Variants in PIK3R4 observed in about 807,000 individuals in gnomAD.
The protein encoded by PIK3R4 is phosphoinositide-3-kinase regulatory subunit 4, also known as phosphoinositide 3-kinase regulatory subunit 4.
A neutral mutation model predicts 136.5 loss-of-function variants in PIK3R4; 46 were observed. The ratio of observed to expected loss-of-function variants is 0.34; its 90% CI spans 0.27 to 0.43. The LOEUF is 0.43. PIK3R4 is among the 20% of genes least tolerant of loss of function. The probability of loss-of-function intolerance (pLI) is 1.00; values close to 1 mark genes in which losing one functional copy is unlikely to be tolerated. For missense variants in PIK3R4, 1,331 were observed against 1,649.5 expected (o/e 0.81, Z 3.35); for synonymous variants, 557 against 566.7 (o/e 0.98, Z 0.24).
At chr3:130,699,466 T>A (rs568118718) in intron 13 of PIK3R4, among the ~76,000 whole-genome samples, 44 of 152,174 alleles carry the variant, frequency 2.9e-4, no homozygotes, top group Non-Finnish European at 3.8e-4. Context: ...CTACCATAGT[T>A]GTGAGGCTGT....
chr3:130,701,025 A>T (rs2066571115), intron 13 of PIK3R4, among the ~76,000 whole-genome samples: 1 of 152,192 alleles, frequency 6.6e-6, no homozygotes, highest in Non-Finnish European at 1.5e-5. Context: ...GAAATGTGAT[A>T]CCAAAATACC....
At chr3:130,717,430 T>G (rs1481322685) in intron 8 of PIK3R4, among the ~76,000 whole-genome samples, 2 of 152,060 alleles carry the variant, frequency 1.3e-5, no homozygotes, top group African/African-American at 4.8e-5. Flanking sequence ...GGAGTAGATA[T>G]CTCTAGATTT....
intron 2 of PIK3R4, among the ~76,000 whole-genome samples, chr3:130,736,964 T>C: frequency 6.6e-6 from 1 of 152,220 alleles, no homozygotes; most frequent in East Asian, 1.9e-4. Context: ...ACCAGAAATT[T>C]TGTAAGTATC....
At chr3:130,695,525 T>C (rs1406796911) in intron 13 of PIK3R4, among the ~76,000 whole-genome samples, 1 of 152,144 alleles carries the variant, frequency 6.6e-6, no homozygotes, top group Non-Finnish European at 1.5e-5. Context: ...AGGACTTTAA[T>C]CATTCCTTTA....
Position 130,744,778 on chromosome 3 carries a change from C to A in PIK3R4, c.441G>T (p.Gly147=). ...CCATCACATTCTCAGTCTTGATGTC[C>A]CCATGACGAACTCCAGATTTGTGTG... ...DQAHKSGVRH[G]DIKTENVMVT... The change falls in exon 2 of 20, where the codon GGG becomes GGT. Residue 147 remains glycine, a synonymous_variant. Transcript: ENST00000356763. 6.2e-7 allele frequency: 1 copy of A among 1,614,226 alleles called. No individual in the cohort carries two copies. The highest frequency in any genetic ancestry group is 8.5e-7 in the Non-Finnish European group (1 of 1,180,032).
chr3:130,707,201 G>T, intron 10 of PIK3R4, 66 bp from the exon 11 acceptor site: 1 of 1,120,630 alleles, frequency 8.9e-7, no homozygotes, highest in Non-Finnish European at 1.3e-6. Flanking sequence ...TGCTTTTATT[G>T]CCTTTGGAGG....
intron 2 of PIK3R4, among the ~76,000 whole-genome samples, chr3:130,742,577 T>C (rs759202754): frequency 2.6e-5 from 4 of 152,186 alleles, no homozygotes; most frequent in Non-Finnish European, 4.4e-5. Context: ...TATCAAAACA[T>C]CTCTCAGTAT....
chr3:130,715,522 C>CT (rs941266265), intron 9 of PIK3R4, among the ~76,000 whole-genome samples: 4 of 152,042 alleles, frequency 2.6e-5, no homozygotes, highest in African/African-American at 9.7e-5. Context: ...TGATGTTAAG[C>CT]TTTTTTTCAT....
chr3:130,679,416 C>T lies in PIK3R4; in HGVS notation c.3976G>A (p.Val1326Met), dbSNP rs1310046445. 1.2e-5 allele frequency: 20 copies of T among 1,612,312 alleles called. No individual in the cohort carries two copies. The highest frequency in any genetic ancestry group is 2.2e-5 in the South Asian group (2 of 91,034). The change falls in exon 20 of 20, where the codon GTG becomes ATG. Residue 1326 changes from valine (V) to methionine (M), a missense_variant. By Grantham distance (21) the Val-to-Met change is conservative. This residue lies in a region of PIK3R4 where 1,180 missense variants were observed against 1,407.0 expected (regional missense o/e 0.84). Coordinates refer to ENST00000356763, the MANE Select transcript of PIK3R4 (RefSeq NM_014602.3). ...TPRRGPESLP[V>M]GHHDIITDVA... ...TCAGTGATGATGTCATGATGTCCCA[C>T]GGGCAGGGACTCTGGGCCCCTTCGA...
At position 130,733,752 on chromosome 3, in the gene PIK3R4, C is replaced by T; in HGVS notation, c.1246G>A (p.Asp416Asn). ...APRLSVEILL[D>N]RITPYLLHFS... ...TGCAAAAGATATGGAGTAATACGAT[C>T]CAAAAGGATTTCAACACTTAATCTT... Residue 416 changes from aspartate to asparagine, a missense_variant, in exon 4 of 20, where the codon GAT becomes AAT. Physicochemically the swap from Asp to Asn is conservative, Grantham distance 23. This residue lies in a region of PIK3R4 where 1,180 missense variants were observed against 1,407.0 expected (regional missense o/e 0.84). Transcript: ENST00000356763. The T allele has an allele frequency of 6.2e-7, 1 of 1,614,126 alleles. No homozygotes were observed. Among genetic ancestry groups the T allele is most frequent in the Non-Finnish European group, 8.5e-7 (1 of 1,180,000 alleles).
At chr3:130,704,067 T>C (rs1290711007) in intron 12 of PIK3R4, among the ~76,000 whole-genome samples, 179 bp from the exon 13 acceptor site, 1 of 152,196 alleles carries the variant, frequency 6.6e-6, no homozygotes, top group Non-Finnish European at 1.5e-5. Context: ...TATTATTTAC[T>C]GAGACATCAA....
intron 4 of PIK3R4, among the ~76,000 whole-genome samples, chr3:130,730,706 CAAAAA>C (rs767601811): frequency 8.1e-6 from 1 of 123,540 alleles, no homozygotes. Flanking sequence ...TACTGAGGAC[CAAAAA>C]AAAAAAAAAG....
At chr3:130,738,810 A>G (rs1053624060) in intron 2 of PIK3R4, among the ~76,000 whole-genome samples, 7 of 152,230 alleles carry the variant, frequency 4.6e-5, no homozygotes, top group Non-Finnish European at 1.5e-5. Context: ...AAGGTAATAA[A>G]TATATACAAC....
Position 130,728,623 on chromosome 3 carries a change from T to TTCAGGG in PIK3R4, c.1641_1646dup (p.Asp547_Pro548dup), listed in dbSNP as rs1478137225. The TTCAGGG allele has an allele frequency of 6.2e-7, 1 of 1,612,092 alleles. No individual in the cohort carries two copies. Among genetic ancestry groups the TTCAGGG allele is most frequent in the Non-Finnish European group, 8.5e-7 (1 of 1,179,302 alleles). ...CCATCAAGGTTTGTTTTACAATATTTTCAGGGTCACTTAGCAAAGTAACAA... is the reference window on the plus strand; with the variant it reads ...CCATCAAGGTTTGTTTTACAATATTTTCAGGGTCAGGGTCACTTAGCAAAGTAACAA... On this transcript the variant is annotated inframe_insertion, in exon 6 of 20. Transcript: ENST00000356763.
At chr3:130,684,456 A>C in intron 15 of PIK3R4, 75 bp from the exon 16 acceptor site, 3 of 1,318,606 alleles carry the variant, frequency 2.3e-6, no homozygotes, top group Non-Finnish European at 3.2e-6. Flanking sequence ...CAAATGAAAA[A>C]TAGTATTAGC....
chr3:130,679,077 A>G lies in PIK3R4; in HGVS notation c.*238T>C, dbSNP rs1202421169. 4.9e-5 allele frequency: 14 copies of G among 284,666 alleles called. No homozygotes were observed. Among genetic ancestry groups the G allele is most frequent in the Non-Finnish European group, 7.8e-5 (12 of 153,942 alleles). 17.6% of individuals were successfully genotyped at this position (284,666 alleles called of 1,614,324 possible). On this transcript the variant is annotated 3_prime_UTR_variant, in exon 20 of 20. Transcript: ENST00000356763. ...ATTTTACATTTCTCACCTCTATAACATATACAATAAAAATCCCAGACATTG... is the reference window on the plus strand; with the variant it reads ...ATTTTACATTTCTCACCTCTATAACGTATACAATAAAAATCCCAGACATTG...
intron 2 of PIK3R4, among the ~76,000 whole-genome samples, chr3:130,740,633 A>AG (rs2066817056): frequency 6.6e-6 from 1 of 152,038 alleles, no homozygotes; most frequent in Non-Finnish European, 1.5e-5. Flanking sequence ...CCAGCTACTC[A>AG]GGAGGCAGCA....
chr3:130,691,011 C>T (rs2107602125), intron 13 of PIK3R4, among the ~76,000 whole-genome samples: 1 of 151,874 alleles, frequency 6.6e-6, no homozygotes. Context: ...TCAAGTGATC[C>T]TCCCACCTCA....
intron 19 of PIK3R4, among the ~76,000 whole-genome samples, chr3:130,680,060 CAAA>C (rs1163413860): frequency 1.5e-4 from 10 of 65,592 alleles, no homozygotes; most frequent in South Asian, 4.7e-4. Context: ...GACTCCATCT[CAAA>C]AAAAAAAAAA....
Sources: gnomAD v4.1 joint callset for allele counts (sites outside exome capture counted in the v4.1 genomes callset) on GRCh38, gnomAD v4.1.1 for gene constraint, gnomAD v4.1.1 regional missense constraint, MANE v1.5 for transcripts, NCBI Gene and HGNC (gene_info 2026-07-23, HGNC 2026-07-21) for gene names.